SNX25: variants seen among roughly 807,000 people sequenced by gnomAD.
The protein encoded by SNX25 is sorting nexin 25, also known as sorting nexin-25.
A neutral mutation model predicts 113.7 loss-of-function variants in SNX25; 62 were observed. That is an observed-to-expected ratio of 0.55 (90% CI 0.44 to 0.67). The LOEUF is 0.67. SNX25 is among the 30% of genes least tolerant of loss of function. The pLI is 0.00. For missense variants in SNX25, 1,014 were observed against 1,161.0 expected (o/e 0.87, Z 1.84); for synonymous variants, 421 against 436.2 (o/e 0.97, Z 0.43).
At position 185,288,138 on chromosome 4, in the gene SNX25, G is replaced by A. The variant is rs578154023; in HGVS notation, c.1162+56G>A. 16 of 1,404,884 alleles carry A rather than the reference G, an allele frequency of 1.1e-5. No individual in the cohort carries two copies. In the African/African-American group the frequency reaches 1.1e-4, roughly 10 times the overall value. The allele number at this position is 1,404,884 out of a possible 1,614,324, so 87.0% of individuals were successfully genotyped here. On this transcript the variant is annotated intron_variant, in intron 6 of 18. Transcript: ENST00000652585. ...CATCTGAAAGGTCAGCTTGATCCCC[G>A]GCCTTCTCCCACCTGTCAGATCTTT...
intron 10 of SNX25, among the ~76,000 whole-genome samples, chr4:185,336,979 C>T (rs765977352): frequency 6.6e-6 from 1 of 152,052 alleles, no homozygotes; most frequent in Non-Finnish European, 1.5e-5. Flanking sequence ...ATTGTCTATT[C>T]GTGTCCTTAG....
chr4:185,216,331 T>TA (rs1318783000), intron 1 of SNX25, among the ~76,000 whole-genome samples: 1 of 152,104 alleles, frequency 6.6e-6, no homozygotes, highest in East Asian at 1.9e-4. Context: ...TGATTACACA[T>TA]AAAGGAAAGT....
intron 5 of SNX25, among the ~76,000 whole-genome samples, chr4:185,273,790 C>A (rs1291671290): frequency 1.3e-5 from 2 of 152,126 alleles, no homozygotes; most frequent in African/African-American, 4.8e-5. Context: ...TTATTTAGCA[C>A]AGTGTCCTCC....
chr4:185,244,970 G>T (rs1744629502), intron 1 of SNX25, among the ~76,000 whole-genome samples: 1 of 152,054 alleles, frequency 6.6e-6, no homozygotes, highest in Admixed American at 6.6e-5. Context: ...CTCCCAGTTG[G>T]GTGGCCTGGG....
chr4:185,351,334 G>A, intron 13 of SNX25, 111 bp from the exon 14 acceptor site: 1 of 1,146,088 alleles, frequency 8.7e-7, no homozygotes, highest in East Asian at 2.4e-5. Flanking sequence ...CGGTTCAGAA[G>A]TCTGATGAAA....
intron 1 of SNX25, among the ~76,000 whole-genome samples, chr4:185,240,499 T>TGGGGCGGCTGGC (rs1743637570): frequency 1.7e-5 from 2 of 116,628 alleles, no homozygotes; most frequent in Non-Finnish European, 3.6e-5. Context: ...ACCTCCCGGA[T>TGGGGCGGCTGGC]GGGGCGGCTG....
chr4:185,331,057 G>A (rs894290595), intron 9 of SNX25, among the ~76,000 whole-genome samples: 1 of 152,140 alleles, frequency 6.6e-6, no homozygotes, highest in African/African-American at 2.4e-5. Context: ...AAACAAATAG[G>A]AAGAAATGTC....
At chr4:185,362,786 G>A (rs1188671560) in intron 18 of SNX25, 75 bp downstream of exon 18, 1 of 1,079,944 alleles carries the variant, frequency 9.3e-7, no homozygotes, top group Non-Finnish European at 1.4e-6. Flanking sequence ...AAAAACATGT[G>A]CCCCAGTGGC....
chr4:185,246,548 T>C (rs1422449698), intron 1 of SNX25, among the ~76,000 whole-genome samples: 3 of 152,214 alleles, frequency 2.0e-5, no homozygotes, highest in Non-Finnish European at 4.4e-5. Flanking sequence ...GATTTCCCTT[T>C]CAACTTCTTT....
chr4:185,259,415 G>A (rs895188730), intron 3 of SNX25, among the ~76,000 whole-genome samples: 19 of 152,112 alleles, frequency 1.2e-4, no homozygotes, highest in African/African-American at 4.3e-4. Flanking sequence ...ATTTAGACAC[G>A]TTTAAATATG....
intron 1 of SNX25, among the ~76,000 whole-genome samples, chr4:185,228,645 C>T (rs1047280491): frequency 3.3e-5 from 5 of 152,128 alleles, no homozygotes; most frequent in Non-Finnish European, 7.3e-5. Flanking sequence ...AAGCAGTCCT[C>T]CTGCCTCAGC....
chr4:185,317,983 C>T (rs1018979250), intron 7 of SNX25, among the ~76,000 whole-genome samples: 2 of 152,040 alleles, frequency 1.3e-5, no homozygotes, highest in Admixed American at 1.3e-4. Flanking sequence ...TGAATAGACC[C>T]TCTGCTGGAA....
intron 5 of SNX25, among the ~76,000 whole-genome samples, chr4:185,283,410 C>G (rs1244950983): frequency 6.6e-6 from 1 of 151,918 alleles, no homozygotes; most frequent in African/African-American, 2.4e-5. Context: ...AACAGGAGTA[C>G]TGTTAAGGAG....
intron 10 of SNX25, 88 bp downstream of exon 10, chr4:185,332,847 T>C (rs1283832927): frequency 8.2e-6 from 11 of 1,335,408 alleles, no homozygotes; most frequent in African/African-American, 1.5e-5. Context: ...TGTCAGTTTC[T>C]TTTAAAATAA....
downstream of SNX25, among the ~76,000 whole-genome samples, chr4:185,372,120 T>A (rs1263607342): frequency 6.6e-6 from 1 of 152,226 alleles, no homozygotes; most frequent in Non-Finnish European, 1.5e-5. Flanking sequence ...GTTACAGTTG[T>A]TATGAAGCTG....
chr4:185,377,301 C>G, the SNX25 span: 1 of 325,750 alleles, frequency 3.1e-6, no homozygotes, highest in East Asian at 5.9e-5. Context: ...GGTGGATCAC[C>G]TGAGTTTGGG....
At chr4:185,375,618 C>A in the SNX25 span, 2 of 1,597,856 alleles carry the variant, frequency 1.3e-6, no homozygotes, top group African/African-American at 1.4e-5. Context: ...CTTACAGCGT[C>A]TAGAGTGGTC....
At chr4:185,224,542 T>G (rs796843407) in intron 1 of SNX25, among the ~76,000 whole-genome samples, 2 of 99,078 alleles carry the variant, frequency 2.0e-5, no homozygotes, top group African/African-American at 3.0e-5. Context: ...TATATAAATA[T>G]ATATACATAT....
intron 9 of SNX25, 65 bp downstream of exon 9, chr4:185,323,865 G>T: frequency 6.4e-7 from 1 of 1,563,438 alleles, no homozygotes. Context: ...TTAAGTGGGT[G>T]CATATTGTGT....
Sources: gnomAD v4.1 joint callset for allele counts (sites outside exome capture counted in the v4.1 genomes callset) on GRCh38, gnomAD v4.1.1 for gene constraint, MANE v1.5 for transcripts, NCBI Gene and HGNC (gene_info 2026-07-23, HGNC 2026-07-21) for gene names.